Variants in BSN observed in about 807,000 individuals in gnomAD.
The protein encoded by BSN is protein bassoon.
A neutral mutation model predicts 264.8 loss-of-function variants in BSN; 57 were observed. The observed-to-expected ratio is 0.22, with a 90% confidence interval of 0.17 to 0.27. BSN has a LOEUF of 0.27. BSN is among the 10% of genes least tolerant of loss of function. The pLI, the probability that BSN is intolerant of heterozygous loss-of-function variation, is 1.00. For synonymous variants in BSN, 2,059 were observed against 2,137.3 expected (o/e 0.96, Z 1.01); for missense variants, 4,615 against 5,232.5 (o/e 0.88, Z 3.64).
intron 1 of BSN, among the ~76,000 whole-genome samples, chr3:49,588,501 A>G (rs967700410): frequency 6.6e-6 from 1 of 151,930 alleles, no homozygotes; most frequent in Admixed American, 6.6e-5. Context: ...GGGATGTTGA[A>G]TTTTTTCAAA....
Position 49,655,913 on chromosome 3 carries a change from T to C in BSN, c.6357T>C (p.Gly2119=). The C allele has an allele frequency of 1.2e-6, 2 of 1,611,996 alleles. No individual in the cohort carries two copies. Among genetic ancestry groups the C allele is most frequent in the Non-Finnish European group, 1.7e-6 (2 of 1,179,972 alleles). The stretch of plus-strand genomic sequence containing the variant: ...ATGGTGGGCGGCATGGCAGTGGTGG[T>C]GGTGGCCCTGACCTTGTGCAGTACC... ...DQYGGRHGSG[G]GGPDLVQYQP... Residue 2119 remains glycine, a synonymous_variant, in exon 5 of 12, where the codon GGT becomes GGC. Coordinates refer to ENST00000296452, the MANE Select transcript of BSN (RefSeq NM_003458.4).
At chr3:49,592,587 A>G (rs987579084) in intron 1 of BSN, among the ~76,000 whole-genome samples, 1 of 150,984 alleles carries the variant, frequency 6.6e-6, no homozygotes, top group African/African-American at 2.4e-5. Context: ...CCCCGTCTCT[A>G]CTAAAAACAA....
At chr3:49,649,395 G>A (rs1023750419) in intron 3 of BSN, among the ~76,000 whole-genome samples, 10 of 152,232 alleles carry the variant, frequency 6.6e-5, no homozygotes, top group African/African-American at 1.2e-4. Flanking sequence ...AAGGCTCTGC[G>A]CCACAGAGTA....
At chr3:49,609,268 ATTTTTT>A (rs879332745) in intron 1 of BSN, among the ~76,000 whole-genome samples, 1 of 140,798 alleles carries the variant, frequency 7.1e-6, no homozygotes, top group Non-Finnish European at 1.6e-5. Flanking sequence ...TGCTTGGCTA[ATTTTTT>A]TTTTTTTTTG....
At chr3:49,659,943 AGGATGCAGAAT>A (rs1327533178) in intron 5 of BSN, among the ~76,000 whole-genome samples, 1 of 152,076 alleles carries the variant, frequency 6.6e-6, no homozygotes, top group East Asian at 1.9e-4. Flanking sequence ...GGACTAGGGC[AGGATGCAGAAT>A]GACTCAGAGC....
intron 1 of BSN, among the ~76,000 whole-genome samples, chr3:49,588,748 C>T (rs1209027816): frequency 1.3e-5 from 2 of 152,074 alleles, no homozygotes; most frequent in Non-Finnish European, 2.9e-5. Flanking sequence ...AAATTTATTT[C>T]TGTTATTGAT....
At chr3:49,559,096 T>G (rs1473109790) in intron 1 of BSN, among the ~76,000 whole-genome samples, 1 of 152,016 alleles carries the variant, frequency 6.6e-6, no homozygotes, top group Non-Finnish European at 1.5e-5. Context: ...CCAGCTAATT[T>G]TTGTATTTTT....
chr3:49,650,979 C>T lies in BSN; in HGVS notation c.1886C>T (p.Thr629Ile). ...MPKPPPETTP[T>I]PATPKVKSGV... Reference sequence around the variant, plus strand: ...AAGCCACCTCCAGAGACTACCCCAACCCCTGCGACTCCTAAAGTAAAGAGT... The same window carrying T: ...AAGCCACCTCCAGAGACTACCCCAATCCCTGCGACTCCTAAAGTAAAGAGT... Residue 629 changes from threonine (T) to isoleucine (I), a missense_variant, in exon 4 of 12, where the codon ACC (threonine) becomes ATC (isoleucine). By Grantham distance (89) the Thr-to-Ile change is moderately conservative. Around this residue, in one of 3 missense-constraint regions of BSN, gnomAD observed 1,197 missense variants for 1,348.0 expected, o/e 0.89. Coordinates refer to ENST00000296452, the MANE Select transcript of BSN (RefSeq NM_003458.4). 2 of 1,614,176 alleles carry T rather than the reference C, an allele frequency of 1.2e-6. No homozygotes were observed. The highest frequency in any genetic ancestry group is 1.7e-6 in the Non-Finnish European group (2 of 1,180,032).
In BSN at chr3:49,642,451, C is replaced by G; in HGVS notation, c.817C>G (p.Gln273Glu). ...QERSRGPGGPQPGSRQAETAR... is the reference protein window; with the variant it reads ...QERSRGPGGPEPGSRQAETAR... ...GAGATCTCGGGGCCCAGGAGGACCA[C>G]AGCCTGGGTCCCGCCAGGCTGAGAC... Residue 273 changes from glutamine to glutamate, a missense_variant, in exon 3 of 12, where the codon CAG becomes GAG. Gln to Glu is a conservative substitution (Grantham distance 29). Coordinates refer to ENST00000296452, the MANE Select transcript of BSN (RefSeq NM_003458.4). The surrounding 1 kb of genome is among the most constrained non-coding windows in gnomAD (Gnocchi z 7.0). The G allele has an allele frequency of 6.3e-7, 1 of 1,591,960 alleles. No individual in the cohort carries two copies. The highest frequency in any genetic ancestry group is 8.5e-7 in the Non-Finnish European group (1 of 1,170,434).
In BSN at chr3:49,657,068, C is replaced by A. The variant is rs373033373; in HGVS notation, c.7512C>A (p.Pro2504=). The A allele has an allele frequency of 6.8e-6, 11 of 1,609,708 alleles. No homozygotes were observed. The highest frequency in any genetic ancestry group is 1.3e-5 in the African/African-American group (1 of 74,882). ...CCCAGAATGGCCAGTATTGGCCCCC[C>A]CTTACACATGCAGCCTTCATTGCCA... ...ELAQNGQYWP[P]LTHAAFIAMA... is the part of the protein sequence containing the mutation. Residue 2504 remains proline, a synonymous_variant, in exon 5 of 12, where the codon CCC becomes CCA. Transcript: ENST00000296452.
At chr3:49,628,286 G>C (rs1365804114) in intron 2 of BSN, among the ~76,000 whole-genome samples, 1 of 152,148 alleles carries the variant, frequency 6.6e-6, no homozygotes, top group South Asian at 2.1e-4. Context: ...GGCTGCATGA[G>C]GACAAATGCA....
At position 49,652,195 on chromosome 3, in the gene BSN, G is replaced by C. The variant is rs148548403; in HGVS notation, c.2639G>C (p.Arg880Thr). ...CATGGCACCCAGAAAGGTGGCCCCA[G>C]ACCCAGGCCTGAGCCTAGCCAAGAA... ...AKHGTQKGGP[R>T]PRPEPSQEPA... The change falls in exon 5 of 12, where the codon AGA becomes ACA. Residue 880 changes from arginine (R) to threonine (T), a missense_variant. Physicochemically the swap from Arg to Thr is moderately conservative, Grantham distance 71 (BLOSUM62 -1). Coordinates refer to ENST00000296452, the MANE Select transcript of BSN (RefSeq NM_003458.4). The C allele has an allele frequency of 6.2e-6, 10 of 1,613,670 alleles. No homozygotes were observed. In the African/African-American group the frequency reaches 1.2e-4, roughly 19 times the overall value.
Position 49,661,573 on chromosome 3 carries a change from A to C in BSN, c.9728A>C (p.Asp3243Ala). 1 of 1,613,950 alleles carries C rather than the reference A, an allele frequency of 6.2e-7. No individual in the cohort carries two copies. Among genetic ancestry groups the C allele is most frequent in the Non-Finnish European group, 8.5e-7 (1 of 1,180,038 alleles). Reference protein sequence around the residue: ...MIDDISELTKDSTSTAPDSQR... With the variant: ...MIDDISELTKASTSTAPDSQR... ...GATGACATCAGTGAACTGACCAAGGACAGCACCTCTACTGCTCCTGATAGC... is the reference window on the plus strand; with the variant it reads ...GATGACATCAGTGAACTGACCAAGGCCAGCACCTCTACTGCTCCTGATAGC... Residue 3243 changes from aspartate (D) to alanine (A), a missense_variant, in exon 6 of 12, where the codon GAC becomes GCC. By Grantham distance (126) the Asp-to-Ala change is moderately radical. Around this residue, in one of 3 missense-constraint regions of BSN, gnomAD observed 3,415 missense variants for 3,866.4 expected, o/e 0.88. Transcript: ENST00000296452.
At chr3:49,602,874 T>C (rs2052083017) in intron 1 of BSN, among the ~76,000 whole-genome samples, 1 of 152,210 alleles carries the variant, frequency 6.6e-6, no homozygotes, top group African/African-American at 2.4e-5. Flanking sequence ...TCCCATAGTC[T>C]GGCCTCCTCT....
At position 49,661,919 on chromosome 3, in the gene BSN, C is replaced by T. The variant is rs766524849; in HGVS notation, c.10074C>T (p.Ser3358=). The change falls in exon 6 of 12, where the codon AGC becomes AGT. Residue 3358 remains serine, a synonymous_variant. Coordinates refer to ENST00000296452, the MANE Select transcript of BSN (RefSeq NM_003458.4). Reference sequence around the variant, plus strand: ...CAGCTGCCATCTCCTCAAAGCGCAGCAAGCACCGGAAGCAGGGCATGGAGC... The same window carrying T: ...CAGCTGCCATCTCCTCAAAGCGCAGTAAGCACCGGAAGCAGGGCATGGAGC... ...LAPAAISSKR[S]KHRKQGMEQK... 6.2e-7 allele frequency: 1 copy of T among 1,613,894 alleles called. No individual in the cohort carries two copies. The highest frequency in any genetic ancestry group is 1.1e-5 in the South Asian group (1 of 91,088).
intron 1 of BSN, among the ~76,000 whole-genome samples, chr3:49,621,326 A>C (rs1269821171): frequency 6.6e-6 from 1 of 152,170 alleles, no homozygotes; most frequent in East Asian, 1.9e-4. Flanking sequence ...AGGGATTGTG[A>C]GTACTCACAG....
At chr3:49,589,469 C>CT (rs1343517421) in intron 1 of BSN, among the ~76,000 whole-genome samples, 1 of 150,876 alleles carries the variant, frequency 6.6e-6, no homozygotes, top group African/African-American at 2.4e-5. Flanking sequence ...GGATTGACCT[C>CT]TTTATCAATC....
At position 49,651,793 on chromosome 3, in the gene BSN, G is replaced by A. The variant is rs781680967; in HGVS notation, c.2237G>A (p.Ser746Asn). The A allele has an allele frequency of 3.7e-6, 6 of 1,612,908 alleles. No individual in the cohort carries two copies. The highest frequency in any genetic ancestry group is 2.7e-5 in the African/African-American group (2 of 75,048). Residue 746 changes from serine (S) to asparagine (N), a missense_variant, in exon 5 of 12, where the codon AGC becomes AAC. Physicochemically the swap from Ser to Asn is conservative, Grantham distance 46. Coordinates refer to ENST00000296452, the MANE Select transcript of BSN (RefSeq NM_003458.4). This position sits in a 1 kb window ranked among gnomAD's most constrained non-coding sequence, Gnocchi z 5.4. ...QAQGLAPSERSKPLSSGTGEE... is the reference protein window; with the variant it reads ...QAQGLAPSERNKPLSSGTGEE... ...CAGGGCCTGGCCCCAAGTGAGCGGAGCAAGCCACTCTCCAGCGGTACTGGC... is the reference window on the plus strand; with the variant it reads ...CAGGGCCTGGCCCCAAGTGAGCGGAACAAGCCACTCTCCAGCGGTACTGGC...
At chr3:49,605,352 A>G (rs1188970040) in intron 1 of BSN, among the ~76,000 whole-genome samples, 3 of 80,484 alleles carry the variant, frequency 3.7e-5, no homozygotes, top group Non-Finnish European at 6.8e-5. Flanking sequence ...ATATATAAAT[A>G]TATATTTATA....
Sources: gnomAD v4.1 joint callset for allele counts (sites outside exome capture counted in the v4.1 genomes callset) on GRCh38, gnomAD v4.1.1 for gene constraint, gnomAD v4.1.1 regional missense constraint, Gnocchi (gnomAD v3.1) non-coding constraint, MANE v1.5 for transcripts, NCBI Gene and HGNC (gene_info 2026-07-23, HGNC 2026-07-21) for gene names.